The following HAT1 variants were observed in gnomAD, a reference collection of about 807,000 sequenced individuals.
The protein encoded by HAT1 is histone acetyltransferase 1.
A neutral mutation model predicts 56.6 loss-of-function variants in HAT1; 20 were observed. The observed-to-expected ratio is 0.35, with a 90% CI of 0.25 to 0.51. The LOEUF (loss-of-function observed/expected upper bound fraction) is 0.51. Ranked by LOEUF, HAT1 falls within the 20% of genes least tolerant of loss-of-function variation. The pLI is 0.95. For missense variants in HAT1, 408 were observed against 504.3 expected (o/e 0.81, Z 1.83); for synonymous variants, 146 against 165.5 (o/e 0.88, Z 0.91).
At chr2:171,939,096 C>G (rs1054106342) in intron 2 of HAT1, among the ~76,000 whole-genome samples, 1 of 152,134 alleles carries the variant, frequency 6.6e-6, no homozygotes, top group African/African-American at 2.4e-5. Context: ...TGACCCTATT[C>G]CAGCACGGAT....
chr2:171,955,680 A>G (rs1483943377), intron 4 of HAT1, among the ~76,000 whole-genome samples: 1 of 152,146 alleles, frequency 6.6e-6, no homozygotes, highest in African/African-American at 2.4e-5. Flanking sequence ...GAATGAAGCT[A>G]GGAGTGTAGG....
intron 2 of HAT1, among the ~76,000 whole-genome samples, chr2:171,933,539 GA>G (rs887481765): frequency 5.4e-5 from 8 of 149,474 alleles, no homozygotes; most frequent in East Asian, 2.0e-4. Flanking sequence ...AAAAAAAAAA[GA>G]AAAAAAAATT....
At chr2:171,929,830 G>A (rs761503443) in intron 2 of HAT1, among the ~76,000 whole-genome samples, 1 of 152,166 alleles carries the variant, frequency 6.6e-6, no homozygotes. Flanking sequence ...GTCTGGATTA[G>A]TGTAACTTTC....
At chr2:171,968,180 T>C (rs2105337157) in intron 8 of HAT1, among the ~76,000 whole-genome samples, 1 of 152,256 alleles carries the variant, frequency 6.6e-6, no homozygotes, top group Non-Finnish European at 1.5e-5. Flanking sequence ...TTACTAAACT[T>C]CGTTTATAAC....
At position 171,942,002 on chromosome 2, in the gene HAT1, T is replaced by G. The variant is rs532576106; in HGVS notation, c.113-4706T>G. ...TTACTGCAACCTCTGCCTCCTGGGT[T>G]CAAGCAATTCTCCTAGTTCAGCCTT... On this transcript the variant is annotated intron_variant, in intron 2 of 10. Transcript: ENST00000264108. Among the ~76,000 whole-genome samples the G allele has an allele frequency of 9.2e-5, 14 of 152,284 alleles. No individual in the cohort carries two copies. The South Asian group carries it at 2.5e-3, about 27-fold the overall frequency.
At chr2:171,949,247 T>C (rs1464264140) in intron 3 of HAT1, among the ~76,000 whole-genome samples, 1 of 152,138 alleles carries the variant, frequency 6.6e-6, no homozygotes, top group Non-Finnish European at 1.5e-5. Flanking sequence ...GGTCTTGCTC[T>C]GTCACCCAGG....
chr2:171,953,162 TAGTG>T (rs1209333081), intron 4 of HAT1, among the ~76,000 whole-genome samples, 161 bp downstream of exon 4: 1 of 151,940 alleles, frequency 6.6e-6, no homozygotes, highest in Admixed American at 6.6e-5. Flanking sequence ...CTGGCCAACA[TAGTG>T]AGAGCCCATT....
chr2:171,982,376 T>A (rs1688153374), intron 10 of HAT1, among the ~76,000 whole-genome samples: 1 of 152,166 alleles, frequency 6.6e-6, no homozygotes, highest in Non-Finnish European at 1.5e-5. Context: ...TTATTCTTCA[T>A]TCTTCCTTCC....
At chr2:171,965,212 G>A in intron 4 of HAT1, 126 bp from the exon 5 acceptor site, 1 of 620,522 alleles carries the variant, frequency 1.6e-6, no homozygotes, top group East Asian at 2.8e-5. Context: ...TTCGCTGTGT[G>A]TTTACTTCTT....
At chr2:171,982,145 A>C (rs1688145967) in intron 10 of HAT1, among the ~76,000 whole-genome samples, 1 of 151,990 alleles carries the variant, frequency 6.6e-6, no homozygotes, top group Non-Finnish European at 1.5e-5. Context: ...AAAGAATGAT[A>C]ATTCTTTTTT....
intron 4 of HAT1, among the ~76,000 whole-genome samples, chr2:171,964,455 A>T (rs1279028001): frequency 6.6e-6 from 1 of 152,164 alleles, no homozygotes; most frequent in Non-Finnish European, 1.5e-5. Context: ...GTTGAATGTA[A>T]TGTCAGGCTT....
At chr2:171,974,181 AAAAAAAAAAAAGAAAAAAAG>A (rs1687893195) in intron 8 of HAT1, among the ~76,000 whole-genome samples, 1 of 101,806 alleles carries the variant, frequency 9.8e-6, no homozygotes, top group Non-Finnish European at 2.1e-5. Context: ...CTCAAAAAAA[AAAAAAAAAAAAGAAAAAAAG>A]AAAAAGAAAA....
At chr2:171,936,890 C>T (rs1686885910) in intron 2 of HAT1, among the ~76,000 whole-genome samples, 1 of 152,126 alleles carries the variant, frequency 6.6e-6, no homozygotes, top group African/African-American at 2.4e-5. Context: ...GGCCAGAATC[C>T]ATTTATGTCT....
chr2:171,963,805 C>T (rs2105333901), intron 4 of HAT1, among the ~76,000 whole-genome samples: 1 of 152,056 alleles, frequency 6.6e-6, no homozygotes, highest in Middle Eastern at 3.4e-3. Context: ...TTAGCAATTT[C>T]AAGGAAAAAT....
chr2:171,981,496 G>A (rs759165823), intron 10 of HAT1, among the ~76,000 whole-genome samples: 1 of 152,112 alleles, frequency 6.6e-6, no homozygotes, highest in Non-Finnish European at 1.5e-5. Context: ...GAATGCTGAT[G>A]GTTCATTGGC....
At chr2:171,969,859 A>C (rs1490348951) in intron 8 of HAT1, among the ~76,000 whole-genome samples, 1 of 152,184 alleles carries the variant, frequency 6.6e-6, no homozygotes, top group Non-Finnish European at 1.5e-5. Context: ...GAAGTTACTT[A>C]AAATTTCACT....
rs1471012075 is a variant in HAT1, at chr2:171,939,006, G to A, written c.113-7702G>A. 3.3e-5 allele frequency among the ~76,000 whole-genome samples: 5 copies of A among 152,166 alleles called. No individual in the cohort carries two copies. The South Asian group carries it at 1.0e-3, about 31-fold the overall frequency. On this transcript the variant is annotated intron_variant, in intron 2 of 10. Transcript: ENST00000264108. ...TTCGCCTGCCTTGGCCTCCCAAAGT[G>A]CTGGGATTATAGATGTGAGCCACCA...
chr2:171,966,606 T>A (rs763445580), intron 7 of HAT1, 93 bp downstream of exon 7: 415 of 679,796 alleles, frequency 6.1e-4, no homozygotes, highest in Non-Finnish European at 7.1e-4. Context: ...TTGATTTGTT[T>A]AAAAAAAAAA....
chr2:171,955,472 G>T (rs939764826), intron 4 of HAT1, among the ~76,000 whole-genome samples: 3 of 151,758 alleles, frequency 2.0e-5, no homozygotes, highest in Non-Finnish European at 2.9e-5. Flanking sequence ...TTAGCCGGGC[G>T]TGGTGGCAGG....
Sources: allele counts gnomAD v4.1 joint callset (sites outside exome capture counted in the v4.1 genomes callset), GRCh38; gene constraint gnomAD v4.1.1; transcripts MANE v1.5; gene names NCBI Gene and HGNC (gene_info 2026-07-23, HGNC 2026-07-21).